MCC: variants seen among roughly 807,000 people sequenced by gnomAD.
MCC encodes the protein colorectal mutant cancer protein.
A neutral mutation model predicts 116.2 loss-of-function variants in MCC; 90 were observed. The ratio of observed to expected loss-of-function variants is 0.77; its 90% confidence interval spans 0.65 to 0.92. MCC has a LOEUF of 0.92. MCC is among the 40% of genes least tolerant of loss of function. The pLI is 0.00. For missense variants in MCC, 1,516 were observed against 1,312.2 expected (o/e 1.16, Z -2.40); for synonymous variants, 578 against 510.5 (o/e 1.13, Z -1.78).
intron 3 of MCC, among the ~76,000 whole-genome samples, chr5:113,153,972 G>C (rs1049373867): frequency 4.9e-4 from 75 of 152,364 alleles, no homozygotes; most frequent in African/African-American, 1.8e-3. Context: ...GTACATGACA[G>C]AGTTTTCAGT....
intron 3 of MCC, among the ~76,000 whole-genome samples, chr5:113,289,159 T>C (rs1199490726): frequency 6.6e-6 from 1 of 151,874 alleles, no homozygotes; most frequent in African/African-American, 2.4e-5. Context: ...GGTGAAACTC[T>C]GTCTCTACTA....
chr5:113,274,159 TCC>T (rs1765724550), intron 3 of MCC, among the ~76,000 whole-genome samples: 1 of 152,358 alleles, frequency 6.6e-6, no homozygotes, highest in East Asian at 1.9e-4. Flanking sequence ...CAGTACCACT[TCC>T]TGTGATAGCT....
chr5:113,064,108 T>C lies in MCC; in HGVS notation c.2089A>G (p.Lys697Glu). 6.2e-7 allele frequency: 1 copy of C among 1,614,174 alleles called. No individual in the cohort carries two copies. Among genetic ancestry groups the C allele is most frequent in the Non-Finnish European group, 8.5e-7 (1 of 1,180,012 alleles). ...GCCTTGGCAGCGTTCTCAGCTGTCT[T>C]CCGGCAGTCATGAGCTCGCTTGAGC... is the stretch of plus-strand genomic sequence containing the variant. ...QMLKRAHDCR[K>E]TAENAAKALL... Residue 697 changes from lysine to glutamate, a missense_variant, in exon 14 of 19, where the codon AAG becomes GAG. By Grantham distance (56) the Lys-to-Glu change is moderately conservative. Coordinates refer to ENST00000408903, the MANE Select transcript of MCC (RefSeq NM_001085377.2).
rs147173214 is a variant in MCC, at chr5:113,055,532, C to G, written c.2214-1573G>C. ...AGGCTACCCTAGGGCTTGGGGTGGT[C>G]TTCAAGTCAGAGAACCCCTTCTAGA... On this transcript the variant is annotated intron_variant, in intron 14 of 18. Transcript: ENST00000408903. Among the ~76,000 whole-genome samples the G allele has an allele frequency of 5.0e-3, 758 of 152,314 alleles. 6 individuals are homozygous for G. Among genetic ancestry groups the G allele is most frequent in the Non-Finnish European group, 5.5e-3 (372 of 68,014 alleles).
chr5:113,094,457 G>A (rs1028707982), intron 8 of MCC, among the ~76,000 whole-genome samples: 3 of 144,724 alleles, frequency 2.1e-5, no homozygotes, highest in African/African-American at 7.9e-5. Context: ...AATCTCACAC[G>A]TTGCCTAGGC....
intron 3 of MCC, among the ~76,000 whole-genome samples, chr5:113,301,865 C>G: frequency 6.6e-6 from 1 of 152,132 alleles, no homozygotes; most frequent in Non-Finnish European, 1.5e-5. Flanking sequence ...CATGTCAGAG[C>G]CAAATCGTGC....
At chr5:113,364,262 C>CAAAAAAAAAAAAAAAAAAAAAAA (rs1561538969) in intron 2 of MCC, among the ~76,000 whole-genome samples, 1 of 78,608 alleles carries the variant, frequency 1.3e-5, no homozygotes, top group Non-Finnish European at 2.6e-5. Context: ...AAAAAAAAAC[C>CAAAAAAAAAAAAAAAAAAAAAAA]AGAAAAAAAA....
intron 3 of MCC, among the ~76,000 whole-genome samples, chr5:113,236,472 GTTAC>G (rs1318883650): frequency 2.0e-5 from 3 of 152,166 alleles, no homozygotes; most frequent in Non-Finnish European, 2.9e-5. Flanking sequence ...CTTTGGACAT[GTTAC>G]TTAAATTTTT....
chr5:113,321,543 T>C (rs1767422562), intron 3 of MCC, among the ~76,000 whole-genome samples: 1 of 152,246 alleles, frequency 6.6e-6, no homozygotes, highest in African/African-American at 2.4e-5. Flanking sequence ...TGATGTTCTG[T>C]AGTTAAAACT....
At chr5:113,400,374 C>T (rs1201542217) in intron 1 of MCC, among the ~76,000 whole-genome samples, 1 of 152,044 alleles carries the variant, frequency 6.6e-6, no homozygotes, top group African/African-American at 2.4e-5. Flanking sequence ...CTGCCTTCCT[C>T]GGCCTCCCAA....
At chr5:113,213,445 T>C (rs1404291259) in intron 3 of MCC, among the ~76,000 whole-genome samples, 4 of 152,182 alleles carry the variant, frequency 2.6e-5, no homozygotes, top group African/African-American at 9.7e-5. Context: ...TGTTCATGGC[T>C]TTCAGTAAAG....
intron 1 of MCC, among the ~76,000 whole-genome samples, chr5:113,439,655 T>C (rs1770973220): frequency 6.6e-6 from 1 of 152,124 alleles, no homozygotes; most frequent in South Asian, 2.1e-4. Flanking sequence ...TCCTAGCCTG[T>C]GGTGGTTAAT....
At chr5:113,406,788 C>A (rs1477972179) in intron 1 of MCC, among the ~76,000 whole-genome samples, 2 of 152,120 alleles carry the variant, frequency 1.3e-5, no homozygotes, top group African/African-American at 4.8e-5. Context: ...TCACTGATAT[C>A]CTACCAGCAG....
chr5:113,049,012 G>C (rs946048598), intron 16 of MCC, 81 bp downstream of exon 16: 3 of 1,336,244 alleles, frequency 2.2e-6, no homozygotes, highest in African/African-American at 2.8e-5. Flanking sequence ...CAGCAGGGCG[G>C]TGAGGTGTGG....
chr5:113,284,028 T>C (rs1369261573), intron 3 of MCC, among the ~76,000 whole-genome samples: 1 of 152,230 alleles, frequency 6.6e-6, no homozygotes, highest in African/African-American at 2.4e-5. Flanking sequence ...TCCAGCTTAC[T>C]TTCGGACTAT....
intron 3 of MCC, among the ~76,000 whole-genome samples, chr5:113,339,676 AT>A (rs1767962974): frequency 6.6e-6 from 1 of 152,228 alleles, no homozygotes; most frequent in Admixed American, 6.5e-5. Flanking sequence ...TATTGTTGCC[AT>A]ATTTACAATT....
At chr5:113,225,633 C>A (rs1419902144) in intron 3 of MCC, among the ~76,000 whole-genome samples, 1 of 152,112 alleles carries the variant, frequency 6.6e-6, no homozygotes, top group Non-Finnish European at 1.5e-5. Context: ...TCTTCTAACA[C>A]AATTACAGTA....
chr5:113,379,154 T>C (rs1769052427), intron 2 of MCC, among the ~76,000 whole-genome samples: 1 of 152,184 alleles, frequency 6.6e-6, no homozygotes, highest in Non-Finnish European at 1.5e-5. Context: ...TGGGTGGCAG[T>C]GTTATTTTCA....
At chr5:113,392,234 C>T (rs902490059) in intron 1 of MCC, among the ~76,000 whole-genome samples, 2 of 151,790 alleles carry the variant, frequency 1.3e-5, no homozygotes, top group Non-Finnish European at 1.5e-5. Flanking sequence ...AGTGAGACCC[C>T]GTCTTTAAAA....
Sources: gnomAD v4.1 joint callset for allele counts (sites outside exome capture counted in the v4.1 genomes callset) on GRCh38, gnomAD v4.1.1 for gene constraint, MANE v1.5 for transcripts, NCBI Gene and HGNC (gene_info 2026-07-23, HGNC 2026-07-21) for gene names.